Variants in CDH13 observed in about 807,000 individuals in gnomAD.
CDH13 encodes the protein cadherin-13.
A neutral mutation model predicts 63.8 loss-of-function variants in CDH13; 24 were observed. The ratio of observed to expected loss-of-function variants is 0.38; its 90% CI spans 0.27 to 0.53. CDH13 has a LOEUF of 0.53. Ranked by LOEUF, CDH13 falls within the 20% of genes least tolerant of loss-of-function variation. The probability of loss-of-function intolerance (pLI) is 0.85; values close to 1 mark genes in which losing one functional copy is unlikely to be tolerated. For synonymous variants in CDH13, 503 were observed against 355.3 expected (o/e 1.42, Z -4.67); for missense variants, 1,049 against 903.1 (o/e 1.16, Z -2.07).
intron 11 of CDH13, among the ~76,000 whole-genome samples, chr16:83,773,838 C>G (rs1366644025): frequency 1.3e-5 from 2 of 152,152 alleles, no homozygotes; most frequent in Non-Finnish European, 2.9e-5. Context: ...CAACACTGTT[C>G]CCCAGTCATG....
intron 6 of CDH13, among the ~76,000 whole-genome samples, chr16:83,447,096 CTTTTTTTTTTTTT>C (rs750432481): frequency 0.024 from 978 of 41,520 alleles, 23 homozygotes; most frequent in Admixed American, 0.098. Context: ...TTATAGTAAC[CTTTTTTTTTTTTT>C]TTTTTTTTTT....
intron 1 of CDH13, among the ~76,000 whole-genome samples, chr16:82,789,422 C>A (rs12447750): frequency 0.05 from 7,669 of 152,282 alleles, 275 homozygotes; most frequent in Middle Eastern, 0.082. Flanking sequence ...CTTTGATGGT[C>A]ACTCTGAATC....
intron 11 of CDH13, among the ~76,000 whole-genome samples, chr16:83,776,957 G>GCTACACAT (rs111261977): frequency 6.6e-6 from 1 of 151,500 alleles, no homozygotes; most frequent in Non-Finnish European, 1.5e-5. Context: ...CTTCCGCCAA[G>GCTACACAT]CTGCACAGGT....
At chr16:83,167,934 G>A (rs914963969) in intron 4 of CDH13, among the ~76,000 whole-genome samples, 2 of 151,982 alleles carry the variant, frequency 1.3e-5, no homozygotes, top group African/African-American at 2.4e-5. Context: ...TATCCTAAGC[G>A]AATTAATGCA....
At chr16:83,681,442 T>C (rs1915393949) in intron 10 of CDH13, among the ~76,000 whole-genome samples, 1 of 152,092 alleles carries the variant, frequency 6.6e-6, no homozygotes, top group South Asian at 2.1e-4. Context: ...GCTGCACACA[T>C]TTCTCTCTCT....
At chr16:83,319,960 C>T (rs1014138349) in intron 5 of CDH13, among the ~76,000 whole-genome samples, 6 of 152,128 alleles carry the variant, frequency 3.9e-5, no homozygotes, top group Non-Finnish European at 5.9e-5. Context: ...CATGGAAAAA[C>T]GAGGTTCTAA....
chr16:83,579,834 G>A (rs1905389550), intron 7 of CDH13, among the ~76,000 whole-genome samples: 1 of 151,798 alleles, frequency 6.6e-6, no homozygotes, highest in Non-Finnish European at 1.5e-5. Flanking sequence ...ACAGTGTGGG[G>A]GCAGAAAACT....
intron 3 of CDH13, among the ~76,000 whole-genome samples, chr16:83,045,377 AC>A (rs1297785368): frequency 6.6e-6 from 1 of 152,084 alleles, no homozygotes; most frequent in Non-Finnish European, 1.5e-5. Context: ...GATGGCTCAA[AC>A]CTGTAATCCT....
intron 6 of CDH13, among the ~76,000 whole-genome samples, chr16:83,446,300 C>CAAA (rs200693082): frequency 6.1e-5 from 5 of 82,396 alleles, no homozygotes; most frequent in South Asian, 8.0e-4. Context: ...GAGACTGTCT[C>CAAA]AAAAAAAAAA....
chr16:83,556,081 A>G (rs1278119865), intron 7 of CDH13, among the ~76,000 whole-genome samples: 1 of 152,256 alleles, frequency 6.6e-6, no homozygotes, highest in Non-Finnish European at 1.5e-5. Context: ...AAAAGACTTA[A>G]TGAGATAAAT....
chr16:83,620,133 C>A (rs948023592), intron 8 of CDH13, among the ~76,000 whole-genome samples: 2 of 152,274 alleles, frequency 1.3e-5, no homozygotes, highest in East Asian at 1.9e-4. Flanking sequence ...TGGCTCACGC[C>A]TGTAATCCCA....
chr16:83,154,148 G>T (rs1013668492), intron 4 of CDH13, among the ~76,000 whole-genome samples: 1 of 152,076 alleles, frequency 6.6e-6, no homozygotes, highest in African/African-American at 2.4e-5. Context: ...ACCATGCTAC[G>T]GTTCTGCCAC....
At chr16:83,462,364 C>G (rs1368450662) in intron 6 of CDH13, among the ~76,000 whole-genome samples, 1 of 152,214 alleles carries the variant, frequency 6.6e-6, no homozygotes, top group African/African-American at 2.4e-5. Flanking sequence ...TATATAGTCT[C>G]AAGTGCTTAT....
At chr16:83,470,381 C>T (rs1178537929) in intron 6 of CDH13, among the ~76,000 whole-genome samples, 1 of 152,192 alleles carries the variant, frequency 6.6e-6, no homozygotes, top group Non-Finnish European at 1.5e-5. Context: ...TTGCTCATGG[C>T]ACCATCCCTT....
At chr16:82,791,347 A>T (rs969870510) in intron 1 of CDH13, among the ~76,000 whole-genome samples, 1 of 152,192 alleles carries the variant, frequency 6.6e-6, no homozygotes, top group Non-Finnish European at 1.5e-5. Flanking sequence ...TCAGGTTGTA[A>T]AGAGGGTTCA....
intron 4 of CDH13, among the ~76,000 whole-genome samples, chr16:83,178,499 C>G (rs1337533558): frequency 2.0e-5 from 3 of 152,140 alleles, no homozygotes; most frequent in African/African-American, 7.2e-5. Flanking sequence ...AAGAATATTT[C>G]CAGCTACTCA....
intron 6 of CDH13, among the ~76,000 whole-genome samples, chr16:83,389,176 A>C (rs1181919410): frequency 6.6e-6 from 1 of 152,236 alleles, no homozygotes; most frequent in Non-Finnish European, 1.5e-5. Context: ...TTTTTAATTA[A>C]AGAAACATAA....
At chr16:82,690,757 C>T (rs1597333158) in intron 1 of CDH13, among the ~76,000 whole-genome samples, 1 of 152,242 alleles carries the variant, frequency 6.6e-6, no homozygotes, top group Non-Finnish European at 1.5e-5. Context: ...TGTGCACATG[C>T]AGCACACCTG....
chr16:82,754,603 A>G (rs1018569275), intron 1 of CDH13, among the ~76,000 whole-genome samples: 1 of 152,210 alleles, frequency 6.6e-6, no homozygotes, highest in African/African-American at 2.4e-5. Flanking sequence ...ACAAAGGAAG[A>G]TGGTAGGGCA....
Sources: allele counts gnomAD v4.1 joint callset (sites outside exome capture counted in the v4.1 genomes callset), GRCh38; gene constraint gnomAD v4.1.1; transcripts MANE v1.5; gene names NCBI Gene and HGNC (gene_info 2026-07-23, HGNC 2026-07-21).